Variants in EEIG2 observed in about 807,000 individuals in gnomAD.
EEIG2 encodes family with sequence similarity 102 member B.
chr1:108,616,492 A>G, the EEIG2 span: 2 of 1,096,006 alleles, frequency 1.8e-6, no homozygotes, highest in Non-Finnish European at 2.7e-6. Flanking sequence ...ATTTGTTTAA[A>G]TTTTTACATT....
chr1:108,568,150 C>T, the EEIG2 span, among the ~76,000 whole-genome samples: 1 of 151,862 alleles, frequency 6.6e-6, no homozygotes, highest in East Asian at 1.9e-4. Flanking sequence ...CCATTTTACA[C>T]CAGTAAGTTA....
the EEIG2 span, among the ~76,000 whole-genome samples, chr1:108,615,818 A>T: frequency 1.1e-4 from 17 of 151,468 alleles, no homozygotes; most frequent in African/African-American, 4.1e-4. Context: ...TTAAATTCTG[A>T]TCTAAAGCTG....
At chr1:108,624,181 G>C in the EEIG2 span, among the ~76,000 whole-genome samples, 1 of 152,160 alleles carries the variant, frequency 6.6e-6, no homozygotes, top group African/African-American at 2.4e-5. Flanking sequence ...GATGAAGGTA[G>C]AAGATAAAAC....
At chr1:108,626,977 C>T in the EEIG2 span, 1 of 152,148 alleles carries the variant, frequency 6.6e-6, no homozygotes, top group African/African-American at 2.4e-5. Context: ...TTTGTACTTA[C>T]CACATTGTAT....
chr1:108,596,992 G>T, the EEIG2 span, among the ~76,000 whole-genome samples: 1 of 152,142 alleles, frequency 6.6e-6, no homozygotes. Flanking sequence ...CTCTCAAAGT[G>T]CTGGGAATAC....
the EEIG2 span, among the ~76,000 whole-genome samples, chr1:108,598,355 A>T: frequency 4.2e-5 from 6 of 141,984 alleles, no homozygotes; most frequent in Non-Finnish European, 9.0e-5. Flanking sequence ...AAAAAAAAAA[A>T]AAATCTGGAT....
At chr1:108,625,954 T>G in the EEIG2 span, 1 of 152,352 alleles carries the variant, frequency 6.6e-6, no homozygotes, top group African/African-American at 2.4e-5. Flanking sequence ...TTCCATCATC[T>G]GCCCTCTCTT....
At chr1:108,599,330 C>T in the EEIG2 span, among the ~76,000 whole-genome samples, 2 of 152,156 alleles carry the variant, frequency 1.3e-5, no homozygotes, top group African/African-American at 4.8e-5. Flanking sequence ...CCTATCACTC[C>T]GTAGATATGA....
At chr1:108,630,926 T>A in the EEIG2 span, among the ~76,000 whole-genome samples, 5 of 152,232 alleles carry the variant, frequency 3.3e-5, no homozygotes, top group Non-Finnish European at 7.3e-5. Flanking sequence ...TTTCTTTTAC[T>A]AATACTCATT....
At chr1:108,595,449 G>A in the EEIG2 span, among the ~76,000 whole-genome samples, 1 of 141,464 alleles carries the variant, frequency 7.1e-6, no homozygotes, top group Non-Finnish European at 1.5e-5. Flanking sequence ...AGGGAGGGAA[G>A]GAGGAAGGAT....
the EEIG2 span, among the ~76,000 whole-genome samples, chr1:108,629,088 A>G: frequency 6.6e-6 from 1 of 152,192 alleles, no homozygotes; most frequent in Non-Finnish European, 1.5e-5. Flanking sequence ...TCGTATACCT[A>G]ATGATAGGTA....
the EEIG2 span, among the ~76,000 whole-genome samples, chr1:108,583,117 T>G: frequency 2.0e-5 from 3 of 152,152 alleles, no homozygotes; most frequent in Non-Finnish European, 2.9e-5. Flanking sequence ...TTTTACACAG[T>G]TGAAACCAAA....
At chr1:108,573,995 T>G in the EEIG2 span, among the ~76,000 whole-genome samples, 243 of 152,300 alleles carry the variant, frequency 1.6e-3, 1 homozygote, top group African/African-American at 5.5e-3. Flanking sequence ...CAAAAAACTT[T>G]AAACCAGCAA....
At chr1:108,583,641 A>G in the EEIG2 span, among the ~76,000 whole-genome samples, 1 of 152,020 alleles carries the variant, frequency 6.6e-6, no homozygotes, top group East Asian at 1.9e-4. Context: ...GCTGTTAAAC[A>G]TTTGAGTGTA....
chr1:108,630,099 C>T, the EEIG2 span, among the ~76,000 whole-genome samples: 1 of 152,200 alleles, frequency 6.6e-6, no homozygotes, highest in Admixed American at 6.5e-5. Context: ...CTGCCTTAGC[C>T]TCTTGAGCAG....
At chr1:108,629,295 T>G in the EEIG2 span, among the ~76,000 whole-genome samples, 2 of 152,354 alleles carry the variant, frequency 1.3e-5, no homozygotes, top group East Asian at 1.9e-4. Context: ...TGGACTTATT[T>G]TCATTATGTA....
At chr1:108,561,379 T>C in the EEIG2 span, among the ~76,000 whole-genome samples, 1 of 152,044 alleles carries the variant, frequency 6.6e-6, no homozygotes, top group Non-Finnish European at 1.5e-5. Flanking sequence ...AATATATACA[T>C]AGAGAGAGAA....
chr1:108,609,702 G>A, the EEIG2 span, among the ~76,000 whole-genome samples: 1 of 152,178 alleles, frequency 6.6e-6, no homozygotes, highest in Admixed American at 6.5e-5. Context: ...CAGAGGAATA[G>A]GAGACCGCAG....
At chr1:108,614,228 A>AAAAC in the EEIG2 span, among the ~76,000 whole-genome samples, 1 of 150,308 alleles carries the variant, frequency 6.7e-6, no homozygotes, top group Admixed American at 6.7e-5. Context: ...AAAAAAAAAA[A>AAAAC]TACTCCTGGC....
Sources: allele counts gnomAD v4.1 joint callset (sites outside exome capture counted in the v4.1 genomes callset), GRCh38; gene constraint gnomAD v4.1.1; transcripts MANE v1.5; gene names NCBI Gene and HGNC (gene_info 2026-07-23, HGNC 2026-07-21).